BLNK: variants seen among roughly 807,000 people sequenced by gnomAD.
BLNK encodes B cell linker, also known as B-cell linker protein.
Under a neutral mutation model 73.5 loss-of-function variants are expected in BLNK, and 29 were observed. That is an observed-to-expected ratio of 0.39 (90% CI 0.29 to 0.54). The LOEUF (loss-of-function observed/expected upper bound fraction) is 0.54. Ranked by LOEUF, BLNK falls within the 20% of genes least tolerant of loss-of-function variation. BLNK has a pLI of 0.61. For synonymous variants in BLNK, 176 were observed against 200.8 expected, an observed-to-expected ratio of 0.88 and a Z score of 1.04; for missense variants, 460 against 562.8, an observed-to-expected ratio of 0.82 and a Z score of 1.85.
chr10:96,198,750 G>T (rs1401345032), intron 15 of BLNK, among the ~76,000 whole-genome samples: 1 of 152,232 alleles, frequency 6.6e-6, no homozygotes, highest in Non-Finnish European at 1.5e-5. Flanking sequence ...CCAGGCTGGA[G>T]AGCAGTGGCA....
At chr10:96,192,773 A>C (rs1554893819) in intron 16 of BLNK, among the ~76,000 whole-genome samples, 1 of 152,172 alleles carries the variant, frequency 6.6e-6, no homozygotes, top group Non-Finnish European at 1.5e-5. Flanking sequence ...TAAAGTTTTG[A>C]AGGAAAGATA....
intron 3 of BLNK, 24 bp downstream of exon 3, chr10:96,242,707 CAGTT>C (rs781968407): frequency 2.5e-6 from 4 of 1,597,094 alleles, no homozygotes; most frequent in Admixed American, 3.3e-5. Context: ...AGTCAAGAGT[CAGTT>C]AAAGTATCTG....
chr10:96,251,038 C>T (rs1387302468), intron 1 of BLNK, among the ~76,000 whole-genome samples: 1 of 152,176 alleles, frequency 6.6e-6, no homozygotes, highest in African/African-American at 2.4e-5. Flanking sequence ...GAACACATTC[C>T]AAATCTTTTC....
At chr10:96,217,517 A>G (rs947528299) in intron 6 of BLNK, among the ~76,000 whole-genome samples, 2 of 152,208 alleles carry the variant, frequency 1.3e-5, no homozygotes, top group Admixed American at 6.5e-5. Flanking sequence ...GTGCAAAATG[A>G]TATCTCATTA....
rs1554906538 is a variant in BLNK, at chr10:96,242,715, G to C, written c.163+20C>G. 1.9e-6 allele frequency: 3 copies of C among 1,607,510 alleles called. No individual in the cohort carries two copies. Among genetic ancestry groups the C allele is most frequent in the Non-Finnish European group, 2.6e-6 (3 of 1,174,074 alleles). ...TTAAATTAGTCAAGAGTCAGTTAAA[G>C]TATCTGAGAAATACCTTACCTGAAG... is the stretch of plus-strand genomic sequence containing the variant. On this transcript the variant is annotated intron_variant, in intron 3 of 16. Transcript: ENST00000224337.
chr10:96,230,802 C>T lies in BLNK; in HGVS notation c.196G>A (p.Asp66Asn), dbSNP rs1490043216. The T allele has an allele frequency of 9.3e-6, 15 of 1,610,224 alleles. No individual in the cohort carries two copies. The highest frequency in any genetic ancestry group is 2.2e-5 in the East Asian group (1 of 44,832). ...SPADEEEQWS[D>N]DFDSDYENPD... ...CAGGAGCAAATACTTACAAAGTCAT[C>T]GGACCACTGCTCCTCTTCGTCAGCA... The change falls in exon 4 of 17, where the codon GAT becomes AAT. Residue 66 changes from aspartate (D) to asparagine (N), a missense_variant. Around this residue, in one of 3 missense-constraint regions of BLNK, gnomAD observed 139 missense variants for 187.3 expected, o/e 0.74. Coordinates refer to ENST00000224337, the MANE Select transcript of BLNK (RefSeq NM_013314.4).
chr10:96,260,301 T>C (rs1161468592), intron 1 of BLNK, among the ~76,000 whole-genome samples: 1 of 152,220 alleles, frequency 6.6e-6, no homozygotes, highest in Non-Finnish European at 1.5e-5. Flanking sequence ...CTCATTGTTC[T>C]GATGAGGTGC....
chr10:96,240,379 TC>T (rs1388935271), intron 3 of BLNK, among the ~76,000 whole-genome samples: 1 of 152,138 alleles, frequency 6.6e-6, no homozygotes, highest in African/African-American at 2.4e-5. Flanking sequence ...CTTAATTCTC[TC>T]CTTTGAAGTT....
Position 96,246,323 on chromosome 10 carries a change from C to T in BLNK, c.113+661G>A, listed in dbSNP as rs553156705. 9.2e-5 allele frequency among the ~76,000 whole-genome samples: 14 copies of T among 152,204 alleles called. No individual in the cohort carries two copies. In the East Asian group the frequency reaches 2.1e-3, roughly 23 times the overall value. ...ATCCCAGCACTTTGGGAGGCTGAGG[C>T]GGGCGGATCACCTGAGGTCAGGAGT... On this transcript the variant is annotated intron_variant, in intron 2 of 16. Coordinates refer to ENST00000224337, the MANE Select transcript of BLNK (RefSeq NM_013314.4).
intron 8 of BLNK, 152 bp from the exon 9 acceptor site, chr10:96,210,059 A>G: frequency 1.2e-6 from 1 of 812,268 alleles, no homozygotes; most frequent in Non-Finnish European, 2.1e-6. Flanking sequence ...TGAAGCTATT[A>G]AGGAAAACTT....
At chr10:96,223,752 C>A (rs919889910) in intron 6 of BLNK, 74 bp downstream of exon 6, 15 of 1,549,954 alleles carry the variant, frequency 9.7e-6, no homozygotes, top group Middle Eastern at 2.2e-4. Flanking sequence ...GGACAGCCAG[C>A]GGGCAGGCTG....
rs2083299949 is a variant in BLNK, at chr10:96,189,741, A to T, written c.*2232T>A. The T allele has an allele frequency of 1.4e-6, 1 of 728,568 alleles. No homozygotes were observed. Among genetic ancestry groups the T allele is most frequent in the East Asian group, 2.6e-5 (1 of 38,730 alleles). The allele number at this position is 728,568 out of a possible 1,614,324, so 45.1% of individuals were successfully genotyped here. ...CATCATCATCATCATCATCTTCATC[A>T]GCAGCAAGTTTTACTTTTATTCTCT... On this transcript the variant is annotated 3_prime_UTR_variant, in exon 17 of 17. Coordinates refer to ENST00000224337, the MANE Select transcript of BLNK (RefSeq NM_013314.4).
At position 96,191,945 on chromosome 10, in the gene BLNK, C is replaced by A; in HGVS notation, c.*28G>T. On this transcript the variant is annotated 3_prime_UTR_variant, in exon 17 of 17. Transcript: ENST00000224337. Reference sequence around the variant, plus strand: ...AGAAACTTTGGGAAAGTGTCTGAAGCAATGGTATTGATCTTTTTTTTCCCC... The same window carrying A: ...AGAAACTTTGGGAAAGTGTCTGAAGAAATGGTATTGATCTTTTTTTTCCCC... The A allele has an allele frequency of 6.2e-7, 1 of 1,613,074 alleles. No homozygotes were observed. Among genetic ancestry groups the A allele is most frequent in the South Asian group, 1.1e-5 (1 of 91,044 alleles).
intron 1 of BLNK, among the ~76,000 whole-genome samples, chr10:96,261,041 C>T (rs782084005): frequency 2.0e-4 from 31 of 151,918 alleles, no homozygotes; most frequent in Non-Finnish European, 3.8e-4. Flanking sequence ...GACAGGGTTT[C>T]GCCATGTTGC....
chr10:96,235,096 A>C (rs1416579042), intron 3 of BLNK, among the ~76,000 whole-genome samples: 1 of 152,194 alleles, frequency 6.6e-6, no homozygotes, highest in Non-Finnish European at 1.5e-5. Flanking sequence ...ACAGCACCAG[A>C]CACAAGGAGA....
chr10:96,245,603 G>T (rs1843014085), intron 2 of BLNK, among the ~76,000 whole-genome samples: 1 of 152,128 alleles, frequency 6.6e-6, no homozygotes, highest in South Asian at 2.1e-4. Context: ...ATATATTTAA[G>T]GTAGACTATT....
rs782780887 is a variant in BLNK at position 96,223,837 on chromosome 10, G to C, written c.514C>G (p.Leu172Val). The C allele has an allele frequency of 3.1e-6, 5 of 1,613,828 alleles. No homozygotes were observed. Among genetic ancestry groups the C allele is most frequent in the Non-Finnish European group, 4.2e-6 (5 of 1,179,992 alleles). ...PQVPPKPKGL[L>V]EDEADYVVPV... The stretch of plus-strand genomic sequence containing the variant: ...CAGATTTACTTTACCTCATCCTCAA[G>C]GAGGCCTTTGGGTTTGGGTGGGACT... Residue 172 changes from leucine to valine, a missense_variant, in exon 6 of 17, where the codon CTT becomes GTT. Leu to Val is a conservative substitution (Grantham distance 32). This residue lies in a region of BLNK where 233 missense variants were observed against 232.1 expected (regional missense o/e 1.00). Coordinates refer to ENST00000224337, the MANE Select transcript of BLNK (RefSeq NM_013314.4).
rs1204411899 is a variant in BLNK, at chr10:96,223,890, G to A, written c.461C>T (p.Pro154Leu). Reference protein sequence around the residue: ...SEKARLTSTLPALTALQKPQV... With the variant: ...SEKARLTSTLLALTALQKPQV... ...AGGTTTCTGCAAAGCAGTCAGGGCC[G>A]GCAGGGTGGAGGTGAGCCTTGCTTT... Residue 154 changes from proline to leucine, a missense_variant, in exon 6 of 17, where the codon CCG (proline) becomes CTG (leucine). Pro to Leu is a moderately conservative substitution (Grantham distance 98). Around this residue, in one of 3 missense-constraint regions of BLNK, gnomAD observed 233 missense variants for 232.1 expected, o/e 1.00. Coordinates refer to ENST00000224337, the MANE Select transcript of BLNK (RefSeq NM_013314.4). 8.7e-6 allele frequency: 14 copies of A among 1,613,784 alleles called. No individual in the cohort carries two copies. Among genetic ancestry groups the A allele is most frequent in the African/African-American group, 4.0e-5 (3 of 74,910 alleles).
At chr10:96,228,701 A>G (rs183893510) in intron 4 of BLNK, among the ~76,000 whole-genome samples, 1 of 152,282 alleles carries the variant, frequency 6.6e-6, no homozygotes, top group East Asian at 1.9e-4. Flanking sequence ...AAGAGTCACT[A>G]GGTTTCTTGT....
Sources: allele counts gnomAD v4.1 joint callset (sites outside exome capture counted in the v4.1 genomes callset), GRCh38; gene constraint gnomAD v4.1.1; regional missense constraint gnomAD v4.1.1; transcripts MANE v1.5; gene names NCBI Gene and HGNC (gene_info 2026-07-23, HGNC 2026-07-21).